RETREG1: variants seen among roughly 807,000 people sequenced by gnomAD.
RETREG1 encodes the protein reticulophagy regulator 1.
A neutral mutation model predicts 54.8 loss-of-function variants in RETREG1; 44 were observed. That is an observed-to-expected ratio of 0.80 (90% CI 0.63 to 1.03). The LOEUF is 1.03. RETREG1 is among the 50% of genes least tolerant of loss of function. RETREG1 has a pLI of 0.00. For missense variants in RETREG1, 554 were observed against 605.1 expected, an observed-to-expected ratio of 0.92 and a Z score of 0.89; for synonymous variants, 217 against 238.5, an observed-to-expected ratio of 0.91 and a Z score of 0.83.
intron 8 of RETREG1, 43 bp downstream of exon 8, chr5:16,477,619 T>A (rs1561077354): frequency 6.3e-7 from 1 of 1,586,046 alleles, no homozygotes; most frequent in Non-Finnish European, 8.7e-7. Context: ...AATAGTTTTG[T>A]ATGCACTCAT....
At chr5:16,601,954 G>A (rs557006810) in intron 1 of RETREG1, among the ~76,000 whole-genome samples, 1 of 152,322 alleles carries the variant, frequency 6.6e-6, no homozygotes, top group Admixed American at 6.5e-5. Flanking sequence ...GAGACAAGGA[G>A]GCGATGCTTC....
chr5:16,491,212 T>A (rs1024343222), intron 3 of RETREG1, among the ~76,000 whole-genome samples: 1 of 152,348 alleles, frequency 6.6e-6, no homozygotes. Flanking sequence ...TATCTCCATT[T>A]TACCCAAGAG....
At chr5:16,575,106 T>C (rs1432531476) in intron 1 of RETREG1, among the ~76,000 whole-genome samples, 4 of 152,210 alleles carry the variant, frequency 2.6e-5, no homozygotes, top group Admixed American at 1.3e-4. Flanking sequence ...GCAGATTTCA[T>C]AGTGACCCAC....
At chr5:16,489,474 T>C in intron 3 of RETREG1, among the ~76,000 whole-genome samples, 1 of 152,198 alleles carries the variant, frequency 6.6e-6, no homozygotes, top group East Asian at 1.9e-4. Context: ...AAAAATAGAT[T>C]GTAATTCTGT....
chr5:16,484,875 A>G (rs923713037), intron 3 of RETREG1, among the ~76,000 whole-genome samples: 2 of 152,104 alleles, frequency 1.3e-5, no homozygotes, highest in Non-Finnish European at 1.5e-5. Flanking sequence ...CTGTCAGAAG[A>G]AATGAACTTT....
Position 16,616,684 on chromosome 5 carries a change from C to G in RETREG1, c.288G>C (p.Leu96=), listed in dbSNP as rs1352066491. ...GCAGGTTGGCAGCGACGAAGCCGAG[C>G]AGGCTCCGCAGCGGCCTCTTCCAGC... ...LLSWKRPLRS[L]LGFVAANLLF... is the part of the protein sequence containing the mutation. The change falls in exon 1 of 9, where the codon CTG becomes CTC. Residue 96 remains leucine (L), a synonymous_variant. Transcript: ENST00000306320. The G allele has an allele frequency of 1.3e-6, 2 of 1,595,958 alleles. No homozygotes were observed. The highest frequency in any genetic ancestry group is 1.3e-5 in the African/African-American group (1 of 74,894).
intron 3 of RETREG1, among the ~76,000 whole-genome samples, chr5:16,553,619 C>G (rs1820680): frequency 0.018 from 2,716 of 151,900 alleles, 88 homozygotes; most frequent in African/African-American, 0.062. Flanking sequence ...AATATAAGCG[C>G]GGCTTTTTTT....
In RETREG1 at chr5:16,608,905, T is replaced by C. The variant is rs150417754; in HGVS notation, c.320+7747A>G. On this transcript the variant is annotated intron_variant, in intron 1 of 8. Transcript: ENST00000306320. ...CTGTAATATTGAAAAAAGTAAGCCC[T>C]AATAGTCTCCTATTTTTCTTTAGAG... 8.6e-3 allele frequency among the ~76,000 whole-genome samples: 1,308 copies of C among 152,332 alleles called. 10 individuals carry two copies. The highest frequency in any genetic ancestry group is 0.022 in the African/African-American group (901 of 41,584).
Position 16,616,305 on chromosome 5 carries a change from G to A in RETREG1, c.320+347C>T, listed in dbSNP as rs1229920523. 5.3e-5 allele frequency: 14 copies of A among 266,660 alleles called. No homozygotes were observed. In the East Asian group the frequency reaches 1.1e-3, roughly 21 times the overall value. The allele number at this position is 266,660 out of a possible 1,614,324, so 16.5% of individuals were successfully genotyped here. ...CGTTCAAGCACGTTTGCTCCGGCAAGCTTGGGCGAGCAGGTCAAGACCTCA... is the reference window on the plus strand; with the variant it reads ...CGTTCAAGCACGTTTGCTCCGGCAAACTTGGGCGAGCAGGTCAAGACCTCA... On this transcript the variant is annotated intron_variant, in intron 1 of 8. Transcript: ENST00000306320.
chr5:16,548,750 A>T (rs550805635), intron 3 of RETREG1, among the ~76,000 whole-genome samples: 1 of 152,214 alleles, frequency 6.6e-6, no homozygotes, highest in Non-Finnish European at 1.5e-5. Context: ...ACACCTTACT[A>T]TTTTGTCTGG....
rs796283033 is a variant in RETREG1 at position 16,589,316 on chromosome 5, G to GTTT, written c.321-17217_321-17215dup. Among the ~76,000 whole-genome samples the GTTT allele has an allele frequency of 3.0e-3, 428 of 141,844 alleles. 1 individual carries two copies. Among genetic ancestry groups the GTTT allele is most frequent in the African/African-American group, 1.0e-2 (389 of 39,088 alleles). 93.1% of individuals were successfully genotyped at this position (141,844 alleles called of 152,430 possible). A position where few individuals can be genotyped will look rare whatever the true frequency, so the allele number is the denominator to read the frequency against. ...AGAAAGATGTTTTCAAAACTTGAGT[G>GTTT]TTTTTTTTTTTTTCAAAAAGGAGTT... is the stretch of plus-strand genomic sequence containing the variant. On this transcript the variant is annotated intron_variant, in intron 1 of 8. Transcript: ENST00000306320.
At chr5:16,516,669 C>A (rs163281) in intron 3 of RETREG1, among the ~76,000 whole-genome samples, 40,421 of 152,064 alleles carry the variant, frequency 0.27, 5,710 homozygotes, top group East Asian at 0.39. Context: ...CTCTAGTGTG[C>A]CCAATCAGGC....
chr5:16,565,818 G>A (rs1159878468), intron 2 of RETREG1, 25 bp from the exon 3 acceptor site: 13 of 1,611,696 alleles, frequency 8.1e-6, no homozygotes, highest in East Asian at 2.2e-5. Flanking sequence ...AGCAAAATGT[G>A]AAACTTAACA....
At chr5:16,535,480 T>A (rs1353356172) in intron 3 of RETREG1, among the ~76,000 whole-genome samples, 2 of 151,244 alleles carry the variant, frequency 1.3e-5, no homozygotes, top group Non-Finnish European at 2.9e-5. Context: ...GGAGCTGGGG[T>A]TCCTGCATGC....
At chr5:16,560,876 T>C (rs923374077) in intron 3 of RETREG1, among the ~76,000 whole-genome samples, 2 of 152,202 alleles carry the variant, frequency 1.3e-5, no homozygotes, top group Non-Finnish European at 2.9e-5. Context: ...GGAATAAGTA[T>C]GTAACTTCAC....
intron 1 of RETREG1, among the ~76,000 whole-genome samples, chr5:16,595,042 G>A (rs1380054911): frequency 6.6e-6 from 1 of 152,132 alleles, no homozygotes; most frequent in African/African-American, 2.4e-5. Flanking sequence ...TTCAGCTTAT[G>A]AGCCATTTTC....
intron 3 of RETREG1, among the ~76,000 whole-genome samples, chr5:16,531,473 G>A (rs991641039): frequency 2.6e-5 from 4 of 152,196 alleles, no homozygotes; most frequent in Non-Finnish European, 5.9e-5. Flanking sequence ...CCAAGCTTAA[G>A]TCTGGCGGAG....
In RETREG1 at chr5:16,594,628, G is replaced by T. The variant is rs988563839; in HGVS notation, c.320+22024C>A. On this transcript the variant is annotated intron_variant, in intron 1 of 8. Transcript: ENST00000306320. The surrounding 1 kb of genome is among the most constrained non-coding windows in gnomAD (Gnocchi z 4.4). ...TAGTCCCAGATACTCGGGAGGCTGA[G>T]GCAGGAAAATCGCTTGAATCCAGGA... Among the ~76,000 whole-genome samples, 5 of 152,148 alleles carry T rather than the reference G, an allele frequency of 3.3e-5. No homozygotes were observed. The highest frequency in any genetic ancestry group is 5.9e-5 in the Non-Finnish European group (4 of 68,028).
chr5:16,567,651 G>C (rs1178999209), intron 2 of RETREG1, among the ~76,000 whole-genome samples: 1 of 152,168 alleles, frequency 6.6e-6, no homozygotes, highest in Non-Finnish European at 1.5e-5. Context: ...GCAGTAGCTA[G>C]AGAAGATCTT....
Sources: gnomAD v4.1 joint callset for allele counts (sites outside exome capture counted in the v4.1 genomes callset) on GRCh38, gnomAD v4.1.1 for gene constraint, Gnocchi (gnomAD v3.1) non-coding constraint, MANE v1.5 for transcripts, NCBI Gene and HGNC (gene_info 2026-07-23, HGNC 2026-07-21) for gene names.